The following FUNDC1 variants were observed in gnomAD, a reference collection of about 807,000 sequenced individuals.
FUNDC1 encodes FUN14 domain-containing protein 1.
Under a neutral mutation model 14.5 loss-of-function variants are expected in FUNDC1, and 10 were observed. The ratio of observed to expected loss-of-function variants is 0.69; its 90% CI spans 0.43 to 1.17. The LOEUF is 1.17. Among genes scored for constraint, FUNDC1 ranks in the 50% most tolerant of loss-of-function variants. The pLI, the probability that FUNDC1 is intolerant of heterozygous loss-of-function variation, is 0.00. For synonymous variants in FUNDC1, 33 were observed against 39.7 expected, an observed-to-expected ratio of 0.83 and a Z score of 0.64; for missense variants, 115 against 113.8, an observed-to-expected ratio of 1.01 and a Z score of -0.05.
chrX:44,532,804 G>A (rs904788878), intron 3 of FUNDC1, among the ~76,000 whole-genome samples: 7 of 110,842 alleles, frequency 6.3e-5, no homozygotes, highest in Non-Finnish European at 1.1e-4. Context: ...CGCCCGCCTC[G>A]GCCTCCCAAA....
intron 2 of FUNDC1, among the ~76,000 whole-genome samples, chrX:44,541,094 G>A: frequency 1.8e-5 from 2 of 112,301 alleles, no homozygotes; most frequent in East Asian, 5.6e-4. Flanking sequence ...AGTGGAAACA[G>A]GTAAATATTT....
intron 2 of FUNDC1, among the ~76,000 whole-genome samples, chrX:44,540,414 TTGTGTG>T (rs367975882): frequency 1.9e-3 from 188 of 96,666 alleles, no homozygotes; most frequent in African/African-American, 3.8e-3. Flanking sequence ...AATGTGTGTG[TTGTGTG>T]TGTGTGTGTG....
At chrX:44,539,053 T>C (rs1294746940) in intron 2 of FUNDC1, among the ~76,000 whole-genome samples, 1 of 111,687 alleles carries the variant, frequency 9.0e-6, no homozygotes, top group Non-Finnish European at 1.9e-5. Context: ...CTACCATTCC[T>C]ACCCTTTCAG....
chrX:44,534,361 T>G (rs747733799), intron 3 of FUNDC1, among the ~76,000 whole-genome samples: 1 of 108,753 alleles, frequency 9.2e-6, no homozygotes, highest in African/African-American at 3.3e-5. Flanking sequence ...GTAAAATAAA[T>G]AAAGAAAGAA....
intron 3 of FUNDC1, among the ~76,000 whole-genome samples, chrX:44,538,135 C>T (rs1267872020): frequency 8.9e-6 from 1 of 111,735 alleles, no homozygotes; most frequent in Non-Finnish European, 1.9e-5. Flanking sequence ...CAGGCGTGCA[C>T]CACCATGGCA....
At position 44,542,050 on chromosome X, in the gene FUNDC1, G is replaced by C; in HGVS notation, c.80C>G (p.Ala27Gly). 3 of 1,203,635 alleles carry C rather than the reference G, an allele frequency of 2.5e-6. No homozygotes were observed. Among genetic ancestry groups the C allele is most frequent in the Non-Finnish European group, 3.4e-6 (3 of 888,997 alleles). ...TCGATTCCACCACTGGTGTCTTCTT[G>C]CATACTCAGTTAAATCCAACACTTC... Reference protein sequence around the residue: ...SYEVLDLTEYARRHQWWNRVF... With the variant: ...SYEVLDLTEYGRRHQWWNRVF... Residue 27 changes from alanine to glycine, a missense_variant, in exon 2 of 5, where the codon GCA (alanine) becomes GGA (glycine). Physicochemically the swap from Ala to Gly is moderately conservative, Grantham distance 60. Coordinates refer to ENST00000378045, the MANE Select transcript of FUNDC1 (RefSeq NM_173794.4).
rs1224864816 is a variant in FUNDC1 at position 44,535,669 on chromosome X, CAAAAAAAA to C, written c.261+2790_261+2797del. The stretch of plus-strand genomic sequence containing the variant: ...TGGGTGACAGAGCAAGACTCTGTCT[CAAAAAAAA>C]AAAAAAAAAAAAAAAGAAAGAATCC... On this transcript the variant is annotated intron_variant, in intron 3 of 4. Transcript: ENST00000378045. Among the ~76,000 whole-genome samples, 8 of 32,265 alleles carry C rather than the reference CAAAAAAAA, an allele frequency of 2.5e-4. No individual in the cohort carries two copies. The South Asian group carries it at 0.017, about 67-fold the overall frequency. The allele number at this position is 32,265 out of a possible 115,157, so 28.0% of individuals were successfully genotyped here.
At chrX:44,535,669 C>CAAAAAAAA (rs1224864816) in intron 3 of FUNDC1, among the ~76,000 whole-genome samples, 1 of 32,280 alleles carries the variant, frequency 3.1e-5, no homozygotes, top group Non-Finnish European at 5.2e-5. Flanking sequence ...GACTCTGTCT[C>CAAAAAAAA]AAAAAAAAAA....
rs1441745806 is a variant in FUNDC1 at position 44,531,321 on chromosome X, C to G, written c.262-3956G>C. Among the ~76,000 whole-genome samples the G allele has an allele frequency of 8.7e-4, 36 of 41,253 alleles. 1 individual carries two copies. The East Asian group carries it at 0.013, about 15-fold the overall frequency. The allele number at this position is 41,253 out of a possible 115,157, so 35.8% of individuals were successfully genotyped here. On this transcript the variant is annotated intron_variant, in intron 3 of 4. Transcript: ENST00000378045. ...TGAAGATTCATGTTGGCCAGACACACACACACACACACACACACACACACA... is the reference window on the plus strand; with the variant it reads ...TGAAGATTCATGTTGGCCAGACACAGACACACACACACACACACACACACA...
intron 3 of FUNDC1, 61 bp from the exon 4 acceptor site, chrX:44,527,426 C>A: frequency 1.1e-6 from 1 of 873,487 alleles, no homozygotes; most frequent in East Asian, 3.4e-5. Flanking sequence ...ACTATAATAG[C>A]CAAGAATATA....
chrX:44,531,363 C>G (rs1236557180), intron 3 of FUNDC1, among the ~76,000 whole-genome samples: 1 of 97,755 alleles, frequency 1.0e-5, no homozygotes, highest in African/African-American at 4.1e-5. Flanking sequence ...CACACACACA[C>G]ACACACACGG....
intron 2 of FUNDC1, among the ~76,000 whole-genome samples, chrX:44,540,829 C>G (rs1218661702): frequency 8.9e-6 from 1 of 112,024 alleles, no homozygotes; most frequent in Non-Finnish European, 1.9e-5. Context: ...GCTAGAGGAA[C>G]TATCAGCCTG....
chrX:44,536,032 G>A (rs951169907), intron 3 of FUNDC1, among the ~76,000 whole-genome samples: 1 of 106,915 alleles, frequency 9.4e-6, no homozygotes, highest in African/African-American at 3.4e-5. Context: ...CCGGCCGCCC[G>A]TGGTGGCTCA....
At chrX:44,538,760 C>G (rs540662071) in intron 2 of FUNDC1, among the ~76,000 whole-genome samples, 2 of 110,867 alleles carry the variant, frequency 1.8e-5, no homozygotes, top group East Asian at 5.6e-4. Flanking sequence ...AAATAAGGGA[C>G]GGAGAGAAGA....
intron 3 of FUNDC1, among the ~76,000 whole-genome samples, chrX:44,535,934 C>T (rs2038946757): frequency 9.5e-6 from 1 of 105,123 alleles, no homozygotes; most frequent in African/African-American, 3.5e-5. Flanking sequence ...TGCAGTGAGC[C>T]GAGATTGTGC....
At chrX:44,531,312 C>CACACA (rs1477318576) in intron 3 of FUNDC1, among the ~76,000 whole-genome samples, 23 of 22,797 alleles carry the variant, frequency 1.0e-3, no homozygotes, top group African/African-American at 3.0e-3. Context: ...TTCATGTTGG[C>CACACA]CAGACACACA....
At chrX:44,532,658 T>C (rs1344245267) in intron 3 of FUNDC1, among the ~76,000 whole-genome samples, 1 of 108,371 alleles carries the variant, frequency 9.2e-6, no homozygotes, top group East Asian at 2.9e-4. Flanking sequence ...GTTCAAATGA[T>C]CCTCCTGCCT....
Position 44,523,642 on chromosome X carries a change from T to C in FUNDC1, c.*556A>G, listed in dbSNP as rs1334117151. On this transcript the variant is annotated 3_prime_UTR_variant, in exon 5 of 5. Coordinates refer to ENST00000378045, the MANE Select transcript of FUNDC1 (RefSeq NM_173794.4). ...AAAAACAACATAAAAATTGGTATCA[T>C]ATTACATCAGCAGAGTCTGTTTAAT... 2 of 110,356 alleles carry C rather than the reference T, an allele frequency of 1.8e-5. No individual in the cohort carries two copies. Among genetic ancestry groups the C allele is most frequent in the Non-Finnish European group, 3.8e-5 (2 of 52,840 alleles). The allele number at this position is 110,356 out of a possible 1,213,427, so 9.1% of individuals were successfully genotyped here. A position where few individuals can be genotyped will look rare whatever the true frequency, so the allele number is the denominator to read the frequency against.
At chrX:44,526,593 A>G (rs921621659) in intron 4 of FUNDC1, among the ~76,000 whole-genome samples, 2 of 110,659 alleles carry the variant, frequency 1.8e-5, no homozygotes, top group African/African-American at 6.6e-5. Context: ...AATACTTTGG[A>G]AAAAAAATTA....
Sources: gnomAD v4.1 joint callset for allele counts (sites outside exome capture counted in the v4.1 genomes callset) on GRCh38, gnomAD v4.1.1 for gene constraint, MANE v1.5 for transcripts, NCBI Gene and HGNC (gene_info 2026-07-23, HGNC 2026-07-21) for gene names.